The following NME7 variants were observed in gnomAD, a reference collection of about 807,000 sequenced individuals.
The protein encoded by NME7 is nucleoside diphosphate kinase 7.
NME7 carries 41 observed loss-of-function variants against 49.1 expected under a neutral mutation model. The ratio of observed to expected loss-of-function variants is 0.83; its 90% CI spans 0.65 to 1.08. The LOEUF is 1.08. Among genes scored for constraint, NME7 ranks in the 50% least tolerant of loss-of-function variants. The probability of loss-of-function intolerance (pLI) is 0.00; values close to 1 mark genes in which losing one functional copy is unlikely to be tolerated. For synonymous variants in NME7, 139 were observed against 150.6 expected (o/e 0.92, Z 0.56); for missense variants, 423 against 463.4 (o/e 0.91, Z 0.80).
chr1:169,174,656 T>A (rs1659700939), intron 10 of NME7, among the ~76,000 whole-genome samples: 1 of 152,234 alleles, frequency 6.6e-6, no homozygotes. Flanking sequence ...TTGTATAGCA[T>A]GTTGCTATAC....
chr1:169,306,043 G>A (rs1651161005), intron 4 of NME7, among the ~76,000 whole-genome samples: 2 of 152,294 alleles, frequency 1.3e-5, no homozygotes, highest in South Asian at 4.1e-4. Flanking sequence ...CGATGAATAG[G>A]AATGGATGAG....
At chr1:169,245,784 A>G (rs775597977) in intron 7 of NME7, among the ~76,000 whole-genome samples, 6 of 152,216 alleles carry the variant, frequency 3.9e-5, no homozygotes, top group South Asian at 2.1e-4. Context: ...AGAGATTATG[A>G]GAGTTTAATG....
chr1:169,279,689 A>ACCCACTGTCCTGCG, intron 7 of NME7, among the ~76,000 whole-genome samples: 1 of 152,332 alleles, frequency 6.6e-6, no homozygotes, highest in Non-Finnish European at 1.5e-5. Flanking sequence ...GATGCGCTGC[A>ACCCACTGTCCTGCG]CCCACTGTCC....
At chr1:169,336,472 G>C (rs1219233136) in intron 1 of NME7, among the ~76,000 whole-genome samples, 2 of 152,140 alleles carry the variant, frequency 1.3e-5, no homozygotes, top group Non-Finnish European at 2.9e-5. Context: ...CCCTGAGCTA[G>C]ATACAAAGGT....
chr1:169,196,340 G>C (rs532203479), intron 10 of NME7, among the ~76,000 whole-genome samples: 1 of 152,248 alleles, frequency 6.6e-6, no homozygotes, highest in South Asian at 2.1e-4. Flanking sequence ...TCAATCTTCA[G>C]ACAGGCTTCC....
intron 2 of NME7, 148 bp from the exon 3 acceptor site, chr1:169,323,431 A>T (rs543194411): frequency 1.2e-5 from 7 of 580,680 alleles, no homozygotes; most frequent in Non-Finnish European, 1.8e-5. Flanking sequence ...AATATAAATC[A>T]TAATTTTTAA....
intron 11 of NME7, chr1:169,169,181 A>C: frequency 2.4e-6 from 1 of 409,484 alleles, no homozygotes; most frequent in Non-Finnish European, 4.6e-6. Flanking sequence ...ATCCAAGGGG[A>C]ACATCACATA....
At chr1:169,251,126 T>C (rs1209006047) in intron 7 of NME7, among the ~76,000 whole-genome samples, 3 of 152,138 alleles carry the variant, frequency 2.0e-5, no homozygotes, top group Admixed American at 6.6e-5. Flanking sequence ...TTAGGTCTAA[T>C]AGTAATTGTT....
At position 169,256,701 on chromosome 1, in the gene NME7, A is replaced by T. The variant is rs1238028094; in HGVS notation, c.755-19014T>A. Among the ~76,000 whole-genome samples, 27 of 121,508 alleles carry T rather than the reference A, an allele frequency of 2.2e-4. 7 individuals carry two copies. The highest frequency in any genetic ancestry group is 4.4e-4 in the Non-Finnish European group (23 of 52,772). 79.7% of individuals were successfully genotyped at this position (121,508 alleles called of 152,430 possible). The stretch of plus-strand genomic sequence containing the variant: ...TTTCCCCATCTTTGTGGTTTTATCT[A>T]CTTTTGGTCTTTGATGATGGTGATG... On this transcript the variant is annotated intron_variant, in intron 7 of 11. Transcript: ENST00000367811.
At chr1:169,209,847 C>A (rs548809457) in intron 10 of NME7, among the ~76,000 whole-genome samples, 1 of 152,236 alleles carries the variant, frequency 6.6e-6, no homozygotes, top group African/African-American at 2.4e-5. Context: ...ATGCTAGGTT[C>A]TCCCCAGATT....
At chr1:169,227,929 G>GT (rs940370013) in intron 10 of NME7, among the ~76,000 whole-genome samples, 1 of 151,882 alleles carries the variant, frequency 6.6e-6, no homozygotes, top group African/African-American at 2.4e-5. Context: ...GCCACTTACA[G>GT]TTGTTTACTC....
At chr1:169,157,063 A>T (rs1403523997) in intron 11 of NME7, among the ~76,000 whole-genome samples, 2 of 152,182 alleles carry the variant, frequency 1.3e-5, no homozygotes, top group African/African-American at 2.4e-5. Flanking sequence ...TTGATACATA[A>T]TAATTGTTCA....
chr1:169,253,288 A>T (rs1164692263), intron 7 of NME7, among the ~76,000 whole-genome samples: 3 of 147,276 alleles, frequency 2.0e-5, no homozygotes, highest in Non-Finnish European at 4.5e-5. Flanking sequence ...ATCCCTTGTA[A>T]GTTGGATTCC....
intron 1 of NME7, among the ~76,000 whole-genome samples, chr1:169,352,125 AG>A (rs1012361616): frequency 1.3e-5 from 2 of 151,894 alleles, no homozygotes; most frequent in East Asian, 1.9e-4. Flanking sequence ...CAAAAAAAAA[AG>A]AATGAAAAAG....
intron 7 of NME7, among the ~76,000 whole-genome samples, chr1:169,255,177 C>G: frequency 7.3e-6 from 1 of 136,376 alleles, no homozygotes; most frequent in South Asian, 2.3e-4. Context: ...TAAAGTCTCC[C>G]ATTATTATTG....
chr1:169,308,446 C>T (rs1488904673), intron 4 of NME7, among the ~76,000 whole-genome samples: 1 of 152,136 alleles, frequency 6.6e-6, no homozygotes, highest in Admixed American at 6.5e-5. Flanking sequence ...ACTATTGGAG[C>T]CAGATCTGCC....
intron 10 of NME7, among the ~76,000 whole-genome samples, chr1:169,205,667 T>A (rs990344659): frequency 6.6e-6 from 1 of 152,130 alleles, no homozygotes; most frequent in Non-Finnish European, 1.5e-5. Context: ...CATTCATTAT[T>A]CATTCTTCCT....
intron 10 of NME7, among the ~76,000 whole-genome samples, chr1:169,211,300 T>C (rs1660810173): frequency 6.6e-6 from 1 of 152,162 alleles, no homozygotes; most frequent in Non-Finnish European, 1.5e-5. Flanking sequence ...AAAACATTAT[T>C]TTGTTCCTAT....
At chr1:169,352,858 GA>G (rs1252536260) in intron 1 of NME7, among the ~76,000 whole-genome samples, 1 of 151,714 alleles carries the variant, frequency 6.6e-6, no homozygotes. Flanking sequence ...AGAAGTGAAA[GA>G]TTTATACAAT....
Sources: gnomAD v4.1 joint callset for allele counts (sites outside exome capture counted in the v4.1 genomes callset) on GRCh38, gnomAD v4.1.1 for gene constraint, MANE v1.5 for transcripts, NCBI Gene and HGNC (gene_info 2026-07-23, HGNC 2026-07-21) for gene names.